CENPQ: variants seen among roughly 807,000 people sequenced by gnomAD.
CENPQ encodes the protein chromosome 6 open reading frame 139.
In CENPQ, 27 loss-of-function variants were observed where a neutral mutation model predicts 36.6. That is an observed-to-expected ratio of 0.74 (90% CI 0.54 to 1.02). CENPQ has a LOEUF of 1.02. Ranked by LOEUF, CENPQ falls within the 50% of genes least tolerant of loss-of-function variation. The pLI is 0.00. For synonymous variants in CENPQ, 101 were observed against 101.7 expected, an observed-to-expected ratio of 0.99 and a Z score of 0.04; for missense variants, 306 against 301.8, an observed-to-expected ratio of 1.01 and a Z score of -0.10.
chr6:49,477,663 A>G (rs1304366026), intron 5 of CENPQ, among the ~76,000 whole-genome samples: 1 of 152,026 alleles, frequency 6.6e-6, no homozygotes, highest in Non-Finnish European at 1.5e-5. Flanking sequence ...TACAAATTCT[A>G]TTTAGTTTTT....
At position 49,490,217 on chromosome 6, in the gene CENPQ, G is replaced by A. The variant is rs191640596; in HGVS notation, c.675+1533G>A. The stretch of plus-strand genomic sequence containing the variant: ...ATAGCCACCTTCACCAGTGATCTTA[G>A]CTAGCTAGGTCTTCTGGGTAACTAG... On this transcript the variant is annotated intron_variant, in intron 8 of 8. Transcript: ENST00000335783. Among the ~76,000 whole-genome samples, 12 of 152,334 alleles carry A rather than the reference G, an allele frequency of 7.9e-5. No individual in the cohort carries two copies. In the East Asian group the frequency reaches 2.3e-3, roughly 29 times the overall value.
intron 6 of CENPQ, among the ~76,000 whole-genome samples, chr6:49,486,824 G>A (rs2127427840): frequency 6.6e-6 from 1 of 152,032 alleles, no homozygotes; most frequent in East Asian, 2.0e-4. Context: ...AGGGGAAGCA[G>A]GAGAAGCAGA....
rs1474618470 is a variant in CENPQ, at chr6:49,481,217, TTTG to T, written c.477+146_477+148del. ...CCAGGTTTTTTCATTAAATTGTTTT[TTTG>T]TTGTTGTTTTCATTAAAGCAAAAAT... On this transcript the variant is annotated intron_variant, in intron 6 of 8. Coordinates refer to ENST00000335783, the MANE Select transcript of CENPQ (RefSeq NM_018132.4). The T allele has an allele frequency of 1.6e-5, 12 of 752,410 alleles. No homozygotes were observed. In the Admixed American group the frequency reaches 1.8e-4, roughly 11 times the overall value. The allele number at this position is 752,410 out of a possible 1,614,324, so 46.6% of individuals were successfully genotyped here.
At chr6:49,486,421 C>T (rs1339312065) in intron 6 of CENPQ, among the ~76,000 whole-genome samples, 2 of 152,146 alleles carry the variant, frequency 1.3e-5, no homozygotes, top group African/African-American at 4.8e-5. Flanking sequence ...ACAACCAATT[C>T]ACAGAAAACA....
At chr6:49,470,302 A>G in intron 2 of CENPQ, 24 bp downstream of exon 2, 2 of 1,465,648 alleles carry the variant, frequency 1.4e-6, no homozygotes, top group South Asian at 1.2e-5. Flanking sequence ...CAAGTTTCTC[A>G]TTTAGAAATC....
At chr6:49,478,909 A>T (rs1768365364) in intron 5 of CENPQ, among the ~76,000 whole-genome samples, 1 of 152,190 alleles carries the variant, frequency 6.6e-6, no homozygotes, top group Admixed American at 6.5e-5. Context: ...CCATGGTTTT[A>T]GTTTCTAAGA....
rs1316792902 is a variant in CENPQ, at chr6:49,470,200, C to G, written c.24C>G (p.Ser8=). ...AGATGTCTGGTAAAGCAAATGCTTC[C>G]AAGAAAAACGCTCAACAGTTAAAAA... MSGKANA[S]KKNAQQLKRN... is the part of the protein sequence containing the mutation. Residue 8 remains serine (S), a synonymous_variant, in exon 2 of 9, where the codon TCC becomes TCG. Transcript: ENST00000335783. The G allele has an allele frequency of 1.9e-6, 3 of 1,603,120 alleles. No individual in the cohort carries two copies. The Admixed American group carries it at 5.1e-5, about 27-fold the overall frequency.
rs746493031 is a variant in CENPQ at position 49,470,279 on chromosome 6, G to A, written c.102+1G>A. On this transcript the variant is annotated splice_donor_variant, in intron 2 of 8. Transcript: ENST00000335783. LOFTEE classifies it high-confidence loss of function. ...GGAAGTTGTGTTGTCAGAGAATAAG[G>A]TAATGAAAATATCAAGTTTCTCATT... 6.5e-7 allele frequency: 1 copy of A among 1,545,768 alleles called. No individual in the cohort carries two copies. Among genetic ancestry groups the A allele is most frequent in the South Asian group, 1.1e-5 (1 of 88,576 alleles).
chr6:49,477,717 T>C (rs951515501), intron 5 of CENPQ, among the ~76,000 whole-genome samples: 5 of 151,928 alleles, frequency 3.3e-5, no homozygotes, highest in Non-Finnish European at 5.9e-5. Flanking sequence ...GTAGAAAGAG[T>C]GAATCAGATG....
intron 6 of CENPQ, among the ~76,000 whole-genome samples, chr6:49,483,571 G>A (rs1161059697): frequency 1.3e-5 from 2 of 152,204 alleles, no homozygotes; most frequent in Non-Finnish European, 2.9e-5. Context: ...CCACAGGGAG[G>A]CAGCTAAGGC....
chr6:49,470,182 T>C lies in CENPQ; in HGVS notation c.6T>C (p.Ser2=), dbSNP rs941487515. 3 of 1,594,046 alleles carry C rather than the reference T, an allele frequency of 1.9e-6. No homozygotes were observed. The highest frequency in any genetic ancestry group is 2.7e-5 in the African/African-American group (2 of 73,968). The change falls in exon 2 of 9, where the codon TCT becomes TCC. Residue 2 remains serine, a synonymous_variant. Coordinates refer to ENST00000335783, the MANE Select transcript of CENPQ (RefSeq NM_018132.4). ...AGCACTGTGTTTAGATCAAGATGTC[T>C]GGTAAAGCAAATGCTTCCAAGAAAA... The part of the protein sequence containing the change: M[S]GKANASKKNA...
At position 49,492,209 on chromosome 6, in the gene CENPQ, T is replaced by G; in HGVS notation, c.741T>G (p.Asn247Lys). 1 of 1,608,962 alleles carries G rather than the reference T, an allele frequency of 6.2e-7. No homozygotes were observed. The highest frequency in any genetic ancestry group is 8.5e-7 in the Non-Finnish European group (1 of 1,178,046). ...ALLKDLDILH[N>K]SSQMKSMSTF... is the part of the protein sequence containing the mutation. ...TAAAGGACTTGGATATTCTTCATAATTCATCACAGATGAAGAGCATGTCAA... is the reference window on the plus strand; with the variant it reads ...TAAAGGACTTGGATATTCTTCATAAGTCATCACAGATGAAGAGCATGTCAA... Residue 247 changes from asparagine (N) to lysine (K), a missense_variant, in exon 9 of 9, where the codon AAT becomes AAG. Physicochemically the swap from Asn to Lys is moderately conservative, Grantham distance 94. Coordinates refer to ENST00000335783, the MANE Select transcript of CENPQ (RefSeq NM_018132.4).
At chr6:49,469,291 A>T (rs942223539) in intron 1 of CENPQ, among the ~76,000 whole-genome samples, 4 of 152,226 alleles carry the variant, frequency 2.6e-5, no homozygotes, top group Admixed American at 1.3e-4. Context: ...ATTTATCTGT[A>T]TATCTAGCTA....
intron 1 of CENPQ, among the ~76,000 whole-genome samples, chr6:49,464,941 C>T (rs1274725364): frequency 1.3e-5 from 2 of 152,214 alleles, no homozygotes; most frequent in East Asian, 3.8e-4. Context: ...AATGTTCTTA[C>T]TAGCATTTGG....
chr6:49,492,527 A>G lies in CENPQ; in HGVS notation c.*252A>G, dbSNP rs1430601440. 5 of 310,798 alleles carry G rather than the reference A, an allele frequency of 1.6e-5. No homozygotes were observed. The highest frequency in any genetic ancestry group is 2.3e-5 in the Non-Finnish European group (4 of 173,002). 19.3% of individuals were successfully genotyped at this position (310,798 alleles called of 1,614,324 possible). ...TATCTATAAGTATTTGCCTAAAACC[A>G]TAAAATAGGAATTGCCTTAAGGATC... On this transcript the variant is annotated 3_prime_UTR_variant, in exon 9 of 9. Coordinates refer to ENST00000335783, the MANE Select transcript of CENPQ (RefSeq NM_018132.4).
chr6:49,488,553 T>C (rs1443596502), intron 7 of CENPQ, 54 bp from the exon 8 acceptor site: 2 of 1,595,606 alleles, frequency 1.3e-6, no homozygotes, highest in Non-Finnish European at 1.7e-6. Flanking sequence ...TCGAGTATAA[T>C]ATGATGAGAG....
chr6:49,465,296 C>T (rs1354352151), intron 1 of CENPQ, among the ~76,000 whole-genome samples: 3 of 152,130 alleles, frequency 2.0e-5, no homozygotes, highest in Admixed American at 6.5e-5. Flanking sequence ...GTCACTCATG[C>T]TTTGTTCTTC....
intron 1 of CENPQ, among the ~76,000 whole-genome samples, chr6:49,464,706 AG>A (rs1251272030): frequency 6.6e-6 from 1 of 152,228 alleles, no homozygotes; most frequent in East Asian, 1.9e-4. Flanking sequence ...CTCATTCATA[AG>A]AAGCAACTTC....
At position 49,492,128 on chromosome 6, in the gene CENPQ, A is replaced by G. The variant is rs2127428975; in HGVS notation, c.676-16A>G. 6.3e-7 allele frequency: 1 copy of G among 1,585,238 alleles called. No homozygotes were observed. The highest frequency in any genetic ancestry group is 8.6e-7 in the Non-Finnish European group (1 of 1,165,912). On this transcript the variant is annotated splice_polypyrimidine_tract_variant and intron_variant, in intron 8 of 8. Transcript: ENST00000335783. The stretch of plus-strand genomic sequence containing the variant: ...TAAAATGTTAACAACTACATTTAAT[A>G]CTATCTTTCCCACAGAAAGAAATTT...
Sources: gnomAD v4.1 joint callset for allele counts (sites outside exome capture counted in the v4.1 genomes callset) on GRCh38, gnomAD v4.1.1 for gene constraint, MANE v1.5 for transcripts, NCBI Gene and HGNC (gene_info 2026-07-23, HGNC 2026-07-21) for gene names.